Variants in STK3 observed in about 807,000 individuals in gnomAD.
STK3 encodes serine/threonine-protein kinase 3.
In STK3, 41 loss-of-function variants were observed where a neutral mutation model predicts 58.0. The observed-to-expected ratio is 0.71, with a 90% CI of 0.55 to 0.92. The LOEUF (loss-of-function observed/expected upper bound fraction) is 0.92. Among genes scored for constraint, STK3 ranks in the 40% least tolerant of loss-of-function variants. The pLI, the probability that STK3 is intolerant of heterozygous loss-of-function variation, is 0.00. For missense variants in STK3, 479 were observed against 602.7 expected (o/e 0.79, Z 2.15); for synonymous variants, 170 against 191.0 (o/e 0.89, Z 0.91).
the STK3 span, among the ~76,000 whole-genome samples, chr8:98,361,113 C>T: frequency 6.6e-6 from 1 of 152,166 alleles, no homozygotes; most frequent in East Asian, 1.9e-4. Context: ...TATTAGATTA[C>T]ACTGAGTACC....
Position 98,836,641 on chromosome 8 carries a change from C to CT in STK3, c.110+47005dup, listed in dbSNP as rs1249186348. Among the ~76,000 whole-genome samples, 45 of 152,316 alleles carry CT rather than the reference C, an allele frequency of 3.0e-4. No homozygotes were observed. In the Middle Eastern group the frequency reaches 0.01, roughly 35 times the overall value. The stretch of plus-strand genomic sequence containing the variant: ...TTTCCTGTTCAAATAACTGTGGTCT[C>CT]TATCTCTTGTGGTTTCTGTATCAGA... On this transcript the variant is annotated intron_variant, in intron 3 of 12. Coordinates refer to the STK3 transcript ENST00000523601.
chr8:98,544,994 C>A (rs182936720), intron 9 of STK3, among the ~76,000 whole-genome samples: 1 of 152,118 alleles, frequency 6.6e-6, no homozygotes, highest in African/African-American at 2.4e-5. Context: ...CTGAGTAGAT[C>A]TGAGCTGAAC....
intron 4 of STK3, among the ~76,000 whole-genome samples, chr8:98,737,055 C>T (rs974146936): frequency 6.6e-6 from 1 of 152,122 alleles, no homozygotes; most frequent in Non-Finnish European, 1.5e-5. Flanking sequence ...GAGCACCAAT[C>T]CAACCTTGTT....
chr8:98,738,164 G>T (rs186466864), intron 4 of STK3, among the ~76,000 whole-genome samples: 19 of 152,274 alleles, frequency 1.2e-4, no homozygotes, highest in Middle Eastern at 3.4e-3. Flanking sequence ...ACTTTTTGTG[G>T]AGCTTGACAA....
chr8:98,725,165 T>C (rs1259208595), intron 4 of STK3, among the ~76,000 whole-genome samples: 1 of 152,138 alleles, frequency 6.6e-6, no homozygotes, highest in Non-Finnish European at 1.5e-5. Flanking sequence ...AAGACCTATA[T>C]GTACTGGTAT....
At chr8:98,523,219 T>C (rs547673213) in intron 10 of STK3, among the ~76,000 whole-genome samples, 1 of 152,298 alleles carries the variant, frequency 6.6e-6, no homozygotes, top group South Asian at 2.1e-4. Context: ...TTTATGTGTT[T>C]GTGTTTTGAT....
At chr8:98,359,344 T>TC in the STK3 span, among the ~76,000 whole-genome samples, 1 of 55,712 alleles carries the variant, frequency 1.8e-5, no homozygotes, top group Non-Finnish European at 3.5e-5. Flanking sequence ...CCATCTCAAC[T>TC]AAAAAAAAAA....
chr8:98,597,570 C>T, intron 6 of STK3: 1 of 985,348 alleles, frequency 1.0e-6, no homozygotes, highest in Non-Finnish European at 1.2e-6. Flanking sequence ...GGCCACAGGC[C>T]AAATAGTGCC....
At chr8:98,696,952 C>T (rs2130995276) in intron 6 of STK3, among the ~76,000 whole-genome samples, 1 of 152,184 alleles carries the variant, frequency 6.6e-6, no homozygotes. Flanking sequence ...CTCCTTGTAC[C>T]TCTGGTAGAA....
At chr8:98,618,237 GA>G (rs1449029416) in intron 6 of STK3, among the ~76,000 whole-genome samples, 3 of 150,676 alleles carry the variant, frequency 2.0e-5, no homozygotes, top group African/African-American at 7.3e-5. Context: ...AATAGATGCA[GA>G]AAAAGCCTTT....
intron 10 of STK3, among the ~76,000 whole-genome samples, chr8:98,463,482 G>C (rs1241835410): frequency 6.6e-6 from 1 of 152,018 alleles, no homozygotes; most frequent in African/African-American, 2.4e-5. Flanking sequence ...AGAAGTTAGG[G>C]TGGAAAATAA....
At chr8:98,861,219 G>A (rs1836923654) in intron 3 of STK3, among the ~76,000 whole-genome samples, 2 of 151,978 alleles carry the variant, frequency 1.3e-5, no homozygotes, top group African/African-American at 4.8e-5. Context: ...TCCCTAAAAG[G>A]TCAATCAAAT....
intron 1 of STK3, chr8:98,439,009 A>G (rs1214197937): frequency 6.6e-6 from 1 of 152,102 alleles, no homozygotes; most frequent in Non-Finnish European, 1.5e-5. Context: ...TTCCACAGAG[A>G]GGCTTTCTCT....
chr8:98,591,691 T>TA (rs1400292812), intron 7 of STK3, among the ~76,000 whole-genome samples: 1 of 152,214 alleles, frequency 6.6e-6, no homozygotes, highest in African/African-American at 2.4e-5. Context: ...TTAAGAATGT[T>TA]AAGCTCTATA....
intron 1 of STK3, among the ~76,000 whole-genome samples, chr8:98,802,160 A>G (rs1833599227): frequency 6.6e-6 from 1 of 152,214 alleles, no homozygotes; most frequent in Non-Finnish European, 1.5e-5. Flanking sequence ...CTACAGAGCA[A>G]GACCCTGTCT....
chr8:98,663,161 T>A (rs193135784), intron 6 of STK3, among the ~76,000 whole-genome samples: 1 of 151,922 alleles, frequency 6.6e-6, no homozygotes, highest in African/African-American at 2.4e-5. Context: ...GAATCTACAA[T>A]GAACTCAAAT....
chr8:98,846,028 A>G (rs1836187461), intron 3 of STK3, among the ~76,000 whole-genome samples: 1 of 152,232 alleles, frequency 6.6e-6, no homozygotes, highest in African/African-American at 2.4e-5. Context: ...AGAGCTTCTG[A>G]CAGCTGCTGC....
intron 3 of STK3, among the ~76,000 whole-genome samples, chr8:98,403,172 A>C (rs1817961103): frequency 6.6e-6 from 1 of 152,118 alleles, no homozygotes; most frequent in Non-Finnish European, 1.5e-5. Flanking sequence ...GTCCCCTTTG[A>C]CTCCAGAGAC....
At chr8:98,833,804 G>A (rs1419030861) in intron 3 of STK3, among the ~76,000 whole-genome samples, 1 of 152,140 alleles carries the variant, frequency 6.6e-6, no homozygotes, top group Non-Finnish European at 1.5e-5. Context: ...TCAGTTGAGG[G>A]GGGTTAGATT....
Sources: gnomAD v4.1 joint callset for allele counts (sites outside exome capture counted in the v4.1 genomes callset) on GRCh38, gnomAD v4.1.1 for gene constraint, MANE v1.5 for transcripts, NCBI Gene and HGNC (gene_info 2026-07-23, HGNC 2026-07-21) for gene names.